The following TRPM1 variants were observed in gnomAD, a reference collection of about 807,000 sequenced individuals.
The protein encoded by TRPM1 is TRPM1-203 APA Isoform, Intron 10.
A neutral mutation model predicts 149.4 loss-of-function variants in TRPM1; 113 were observed. That is an observed-to-expected ratio of 0.76 (90% CI 0.65 to 0.88). TRPM1 has a LOEUF of 0.88. Ranked by LOEUF, TRPM1 falls within the 40% of genes least tolerant of loss-of-function variation. The pLI is 0.00. For missense variants in TRPM1, 1,976 were observed against 2,038.7 expected (o/e 0.97, Z 0.59); for synonymous variants, 741 against 759.5 (o/e 0.98, Z 0.40).
Position 31,047,908 on chromosome 15 carries a change from A to T in TRPM1, c.1604T>A (p.Leu535Gln). ...RLGPPNTLHLLVRDVKKSNLP... is the reference protein window; with the variant it reads ...RLGPPNTLHLQVRDVKKSNLP... Reference sequence around the variant, plus strand: ...ACTGACCTTTTTCACATCCCTCACCAGCAGATGAAGTGTGTTTGGTGGACC... The same window carrying T: ...ACTGACCTTTTTCACATCCCTCACCTGCAGATGAAGTGTGTTTGGTGGACC... The change falls in exon 14 of 28, where the codon CTG becomes CAG. Residue 535 changes from leucine to glutamine, a missense_variant. Transcript: ENST00000256552. The T allele has an allele frequency of 6.2e-7, 1 of 1,613,962 alleles. No individual in the cohort carries two copies. Among genetic ancestry groups the T allele is most frequent in the Non-Finnish European group, 8.5e-7 (1 of 1,179,776 alleles).
intron 1 of TRPM1, among the ~76,000 whole-genome samples, chr15:31,090,297 G>A (rs1193062414): frequency 6.6e-6 from 1 of 151,992 alleles, no homozygotes; most frequent in African/African-American, 2.4e-5. Context: ...GCTGTCCCCG[G>A]GATTCTTGCT....
intron 27 of TRPM1, among the ~76,000 whole-genome samples, chr15:31,003,342 G>A (rs1031689868): frequency 1.3e-5 from 2 of 152,206 alleles, no homozygotes; most frequent in African/African-American, 2.4e-5. Flanking sequence ...GGTACTTACT[G>A]AGGTTCAATC....
chr15:31,143,326 C>T (rs185981936), intron 1 of TRPM1, among the ~76,000 whole-genome samples: 13 of 152,248 alleles, frequency 8.5e-5, no homozygotes, highest in Non-Finnish European at 1.3e-4. Context: ...AGAAGAATTA[C>T]GAGTTTTTAC....
At position 31,028,451 on chromosome 15, in the gene TRPM1, A is replaced by G. The variant is rs748046539; in HGVS notation, c.3174T>C (p.Asp1058=). ...AGGGAGGAAGCCGCTTGCCCTCCTC[A>G]TCATATAGGTTCTCACCACAAGGAG... is the stretch of plus-strand genomic sequence containing the variant. The part of the protein sequence containing the change: ...INPPCGENLY[D]EEGKRLPPCI... Residue 1058 remains aspartate (D), a synonymous_variant, in exon 25 of 28, where the codon GAT becomes GAC. Transcript: ENST00000256552. 1.9e-6 allele frequency: 3 copies of G among 1,613,984 alleles called. No individual in the cohort carries two copies. Among genetic ancestry groups the G allele is most frequent in the African/African-American group, 2.7e-5 (2 of 74,898 alleles).
At chr15:31,100,402 T>TC (rs1462482214) in intron 1 of TRPM1, among the ~76,000 whole-genome samples, 3 of 151,500 alleles carry the variant, frequency 2.0e-5, no homozygotes, top group African/African-American at 7.3e-5. Flanking sequence ...CCTCCCTACC[T>TC]CCCCCACTAC....
intron 16 of TRPM1, among the ~76,000 whole-genome samples, chr15:31,042,548 C>A (rs111455511): frequency 0.023 from 3,427 of 152,284 alleles, 80 homozygotes; most frequent in Admixed American, 0.077. Context: ...AACAAACAAG[C>A]AAAACCTCCC....
chr15:31,047,931 AC>A lies in TRPM1; in HGVS notation c.1580del (p.Gly527ValfsTer10), dbSNP rs2033827448. 1.9e-6 allele frequency: 3 copies of A among 1,613,958 alleles called. No individual in the cohort carries two copies. In the East Asian group the frequency reaches 6.7e-5, roughly 36 times the overall value. On this transcript the variant is annotated frameshift_variant, in exon 14 of 28. Coordinates refer to ENST00000256552, the MANE Select transcript of TRPM1 (RefSeq NM_001252024.2). LOFTEE classifies it high-confidence loss of function. ...RLEELYNTRL[G>X]PPNTLHLLVR... is the part of the protein sequence containing the mutation. ...CCAGCAGATGAAGTGTGTTTGGTGG[AC>A]CCAGTCTCTGAAAGAGAAGCATTCA... is the stretch of plus-strand genomic sequence containing the variant.
At chr15:31,155,623 G>A (rs1421378497) in intron 1 of TRPM1, among the ~76,000 whole-genome samples, 1 of 152,014 alleles carries the variant, frequency 6.6e-6, no homozygotes, top group Non-Finnish European at 1.5e-5. Context: ...CCACAATTCT[G>A]TTTTACAGAT....
chr15:31,005,303 A>G (rs1368505611), intron 27 of TRPM1, among the ~76,000 whole-genome samples: 2 of 152,052 alleles, frequency 1.3e-5, no homozygotes, highest in African/African-American at 4.8e-5. Flanking sequence ...ATGAAGATGA[A>G]TATCTTTCCT....
chr15:31,032,809 G>A lies in TRPM1; in HGVS notation c.2832C>T (p.Pro944=), dbSNP rs778208223. 2 of 1,614,216 alleles carry A rather than the reference G, an allele frequency of 1.2e-6. No individual in the cohort carries two copies. The highest frequency in any genetic ancestry group is 1.7e-6 in the Non-Finnish European group (2 of 1,180,046). Residue 944 remains proline, a synonymous_variant, in exon 22 of 28, where the codon CCC becomes CCT. Transcript: ENST00000256552. ...AGATCACCCGGCCATAGCCCATGTA[G>A]GGCTGGTTCTGTAGGCGAAGAATTG... ...IGAILRLQNQ[P]YMGYGRVIYC... is the part of the protein sequence containing the mutation.
Position 31,040,323 on chromosome 15 carries a change from T to A in TRPM1, c.2111A>T (p.Glu704Val), listed in dbSNP as rs199596506. The change falls in exon 18 of 28, where the codon GAG becomes GTG. Residue 704 changes from glutamate to valine, a missense_variant. Physicochemically the swap from Glu to Val is moderately radical, Grantham distance 121 (BLOSUM62 -2). This residue lies in a region of TRPM1 where 1,332 missense variants were observed against 1,347.1 expected (regional missense o/e 0.99). Transcript: ENST00000256552. The surrounding 1 kb of genome is among the most constrained non-coding windows in gnomAD (Gnocchi z 4.2). ...NSKDFGQLAL[E>V]LLDQSYKHDE... is the part of the protein sequence containing the mutation. ...ATGCTTATAGGACTGGTCTAATAAC[T>A]CCAAAGCAAGCTGGCCGAAGTCTCT... 1.5e-5 allele frequency: 24 copies of A among 1,614,024 alleles called. No homozygotes were observed. In the Admixed American group the frequency reaches 3.7e-4, roughly 25 times the overall value.
intron 1 of TRPM1, among the ~76,000 whole-genome samples, chr15:31,151,443 GTATCCCCT>G (rs1410926169): frequency 2.0e-5 from 3 of 152,204 alleles, no homozygotes; most frequent in Admixed American, 2.0e-4. Context: ...CCTGCCAAGG[GTATCCCCT>G]TGTCTCTCAT....
At position 31,017,658 on chromosome 15, in the gene TRPM1, TC is replaced by T. The variant is rs2032412951; in HGVS notation, c.3629+8480del. ...GTCAAAGGACATGGCTGTGTGAATA[TC>T]ATTGCAAATCTTCTCTATATTGGGG... On this transcript the variant is annotated intron_variant, in intron 27 of 27. Coordinates refer to ENST00000256552, the MANE Select transcript of TRPM1 (RefSeq NM_001252024.2). 2.0e-5 allele frequency among the ~76,000 whole-genome samples: 3 copies of T among 152,384 alleles called. No individual in the cohort carries two copies. In the South Asian group the frequency reaches 6.2e-4, roughly 32 times the overall value.
chr15:31,073,023 A>C (rs1183317098), intron 3 of TRPM1, among the ~76,000 whole-genome samples: 4 of 152,112 alleles, frequency 2.6e-5, no homozygotes, highest in Non-Finnish European at 5.9e-5. Flanking sequence ...TTTGGTAAAG[A>C]CAATTTTTTT....
chr15:31,078,030 G>A (rs1317539622), intron 2 of TRPM1, among the ~76,000 whole-genome samples: 1 of 152,102 alleles, frequency 6.6e-6, no homozygotes, highest in South Asian at 2.1e-4. Context: ...GCATGGGGAA[G>A]TAGAACGCTT....
chr15:31,091,212 G>A (rs572363875), intron 1 of TRPM1, among the ~76,000 whole-genome samples: 3 of 152,322 alleles, frequency 2.0e-5, no homozygotes, highest in Non-Finnish European at 2.9e-5. Flanking sequence ...CCCGGGCCTC[G>A]CCTGCTGTGC....
intron 3 of TRPM1, chr15:31,070,551 C>T (rs1035048980): frequency 2.8e-5 from 15 of 541,112 alleles, no homozygotes; most frequent in Middle Eastern, 2.8e-4. Context: ...ACATGCCCTC[C>T]GAACATAGAG....
Position 31,002,085 on chromosome 15 carries a change from G to C in TRPM1, c.4615C>G (p.Arg1539Gly), listed in dbSNP as rs778880898. ...ATGGTTAGGGACAAGCGAGGGATTCGAGGAATTGCTTCAGCGACATGGTGT... is the reference window on the plus strand; with the variant it reads ...ATGGTTAGGGACAAGCGAGGGATTCCAGGAATTGCTTCAGCGACATGGTGT... ...DEHHVAEAIP[R>G]IPRLSLTITD... Residue 1539 changes from arginine to glycine, a missense_variant, in exon 28 of 28, where the codon CGA becomes GGA. Transcript: ENST00000256552. 2.1e-5 allele frequency: 34 copies of C among 1,614,110 alleles called. No homozygotes were observed. Among genetic ancestry groups the C allele is most frequent in the Non-Finnish European group, 2.6e-5 (31 of 1,180,052 alleles).
In TRPM1 at chr15:31,040,242, G is replaced by A. The variant is rs376548977; in HGVS notation, c.2192C>T (p.Ser731Leu). The A allele has an allele frequency of 2.4e-4, 382 of 1,614,098 alleles. 1 individual carries two copies. Among genetic ancestry groups the A allele is most frequent in the South Asian group, 6.7e-4 (61 of 91,090 alleles). The change falls in exon 18 of 28, where the codon TCG becomes TTG. Residue 731 changes from serine (S) to leucine (L), a missense_variant. Around this residue, in one of 3 missense-constraint regions of TRPM1, gnomAD observed 1,332 missense variants for 1,347.1 expected, o/e 0.99. Coordinates refer to ENST00000256552, the MANE Select transcript of TRPM1 (RefSeq NM_001252024.2). The surrounding 1 kb of genome is among the most constrained non-coding windows in gnomAD (Gnocchi z 4.2). ...LTYELKNWSN[S>L]TCLKLAVAAK... is the part of the protein sequence containing the mutation. ...TGCCACGGCCAGTTTGAGGCAGGTCGAGTTGCTCCAGTTTTTCAGCTCGTA... is the reference window on the plus strand; with the variant it reads ...TGCCACGGCCAGTTTGAGGCAGGTCAAGTTGCTCCAGTTTTTCAGCTCGTA...
Sources: gnomAD v4.1 joint callset for allele counts (sites outside exome capture counted in the v4.1 genomes callset) on GRCh38, gnomAD v4.1.1 for gene constraint, gnomAD v4.1.1 regional missense constraint, Gnocchi (gnomAD v3.1) non-coding constraint, MANE v1.5 for transcripts, NCBI Gene and HGNC (gene_info 2026-07-23, HGNC 2026-07-21) for gene names.